The following GLIS3 variants were observed in gnomAD, a reference collection of about 807,000 sequenced individuals.
GLIS3 encodes the protein zinc finger protein GLIS3.
GLIS3 carries 53 observed loss-of-function variants against 78.6 expected under a neutral mutation model. The observed-to-expected ratio is 0.67, with a 90% confidence interval of 0.54 to 0.85. The LOEUF (loss-of-function observed/expected upper bound fraction) is 0.85. Among genes scored for constraint, GLIS3 ranks in the 40% least tolerant of loss-of-function variants. The probability of loss-of-function intolerance (pLI) is 0.00; values close to 1 mark genes in which losing one functional copy is unlikely to be tolerated. For synonymous variants in GLIS3, 684 were observed against 509.9 expected, an observed-to-expected ratio of 1.34 and a Z score of -4.60; for missense variants, 1,703 against 1,231.1, an observed-to-expected ratio of 1.38 and a Z score of -5.74.
intron 4 of GLIS3, among the ~76,000 whole-genome samples, chr9:4,306,453 T>C (rs1185041045): frequency 1.3e-5 from 2 of 152,234 alleles, no homozygotes; most frequent in Non-Finnish European, 2.9e-5. Context: ...GAGTAGTTTA[T>C]CCATTTGGTT....
chr9:4,435,449 T>C, the GLIS3 span, among the ~76,000 whole-genome samples: 1 of 152,202 alleles, frequency 6.6e-6, no homozygotes, highest in South Asian at 2.1e-4. Context: ...TTCCTCAGCC[T>C]GCCAGACCAA....
chr9:4,000,613 C>T (rs1821063376), intron 4 of GLIS3, among the ~76,000 whole-genome samples: 1 of 152,142 alleles, frequency 6.6e-6, no homozygotes, highest in Non-Finnish European at 1.5e-5. Context: ...TTTCTTAGTC[C>T]TCTGCCTAAA....
At chr9:3,854,510 C>T (rs370494215) in intron 9 of GLIS3, among the ~76,000 whole-genome samples, 36 of 150,370 alleles carry the variant, frequency 2.4e-4, no homozygotes, top group African/African-American at 8.3e-4. Flanking sequence ...AATATCACCT[C>T]GTCTTTGCTG....
chr9:4,166,670 A>G (rs16920845), intron 2 of GLIS3, among the ~76,000 whole-genome samples: 13,019 of 152,196 alleles, frequency 0.086, 859 homozygotes, highest in African/African-American at 0.17. Context: ...ACTATTTATG[A>G]TTTTCGGTGT....
chr9:3,854,883 A>ATAGTACTG (rs1819666225), intron 9 of GLIS3, among the ~76,000 whole-genome samples: 2 of 152,212 alleles, frequency 1.3e-5, no homozygotes, highest in Non-Finnish European at 2.9e-5. Context: ...CCATAGTACT[A>ATAGTACTG]GTTGATTCTG....
At chr9:4,229,068 G>A (rs1046096429) in intron 2 of GLIS3, among the ~76,000 whole-genome samples, 1 of 152,154 alleles carries the variant, frequency 6.6e-6, no homozygotes, top group Non-Finnish European at 1.5e-5. Context: ...AAAATTAGTT[G>A]TTAGGTGTAA....
At chr9:3,876,576 C>T (rs891479427) in intron 8 of GLIS3, among the ~76,000 whole-genome samples, 2 of 139,154 alleles carry the variant, frequency 1.4e-5, no homozygotes, top group East Asian at 4.2e-4. Flanking sequence ...GTGATATCTG[C>T]AACCATCTGT....
At chr9:4,147,076 T>C (rs956926768) in intron 2 of GLIS3, among the ~76,000 whole-genome samples, 2 of 152,204 alleles carry the variant, frequency 1.3e-5, no homozygotes, top group South Asian at 2.1e-4. Flanking sequence ...TTAAGCCCAC[T>C]GCAATTAATC....
At chr9:4,215,934 A>T (rs978426606) in intron 2 of GLIS3, among the ~76,000 whole-genome samples, 3 of 152,160 alleles carry the variant, frequency 2.0e-5, no homozygotes, top group East Asian at 3.8e-4. Context: ...AAAACTAAAA[A>T]AGCTGATTCT....
chr9:4,317,644 T>C (rs1270858595), intron 2 of GLIS3, among the ~76,000 whole-genome samples: 1 of 152,262 alleles, frequency 6.6e-6, no homozygotes, highest in Non-Finnish European at 1.5e-5. Flanking sequence ...ATTCTAAATG[T>C]ATCTTTTTTA....
intron 6 of GLIS3, among the ~76,000 whole-genome samples, chr9:3,927,639 G>A (rs1347118481): frequency 6.6e-6 from 1 of 152,156 alleles, no homozygotes; most frequent in East Asian, 1.9e-4. Context: ...CAGCTTTTCT[G>A]ATCACTCAAG....
intron 4 of GLIS3, among the ~76,000 whole-genome samples, chr9:4,105,819 G>A (rs1830707287): frequency 6.6e-6 from 1 of 152,106 alleles, no homozygotes; most frequent in African/African-American, 2.4e-5. Flanking sequence ...CACAAAACCA[G>A]AGTCACAATC....
chr9:3,880,271 G>C (rs1821639348), intron 7 of GLIS3, among the ~76,000 whole-genome samples: 2 of 152,210 alleles, frequency 1.3e-5, no homozygotes, highest in African/African-American at 4.8e-5. Context: ...GACACAGAGA[G>C]TGAGTTACAG....
At chr9:4,402,909 T>C in the GLIS3 span, among the ~76,000 whole-genome samples, 1 of 152,080 alleles carries the variant, frequency 6.6e-6, no homozygotes, top group African/African-American at 2.4e-5. Flanking sequence ...TTCAAAGGGA[T>C]AATAACAGAG....
At position 4,017,077 on chromosome 9, in the gene GLIS3, C is replaced by A. The variant is rs552908947; in HGVS notation, c.1711-79888G>T. Among the ~76,000 whole-genome samples the A allele has an allele frequency of 8.5e-5, 13 of 152,316 alleles. 1 individual carries two copies. In the South Asian group the frequency reaches 1.7e-3, roughly 19 times the overall value. ...TGAGAAGGGCAGTTTGGCCTTTATT[C>A]TCTGCAAACCTTTCTCTTTCAGAAA... On this transcript the variant is annotated intron_variant, in intron 4 of 10. Transcript: ENST00000381971.
intron 6 of GLIS3, among the ~76,000 whole-genome samples, chr9:3,931,822 C>T (rs953440572): frequency 6.6e-6 from 1 of 152,160 alleles, no homozygotes; most frequent in Non-Finnish European, 1.5e-5. Context: ...AAGTTCAATT[C>T]CTTTTTCAGA....
chr9:4,158,788 G>C (rs1044715691), intron 2 of GLIS3, among the ~76,000 whole-genome samples: 1 of 152,158 alleles, frequency 6.6e-6, no homozygotes, highest in Non-Finnish European at 1.5e-5. Flanking sequence ...GAATGAATAA[G>C]TGAACACGAT....
intron 2 of GLIS3, among the ~76,000 whole-genome samples, chr9:4,232,014 AT>A (rs1822295209): frequency 6.6e-6 from 1 of 152,184 alleles, no homozygotes; most frequent in Non-Finnish European, 1.5e-5. Flanking sequence ...TTCACTCAAC[AT>A]TTAGCTTTGT....
chr9:4,076,124 T>G (rs1161304259), intron 4 of GLIS3, among the ~76,000 whole-genome samples: 1 of 152,224 alleles, frequency 6.6e-6, no homozygotes, highest in Non-Finnish European at 1.5e-5. Flanking sequence ...ACACTCTATT[T>G]AATGTAAATT....
Sources: gnomAD v4.1 joint callset for allele counts (sites outside exome capture counted in the v4.1 genomes callset) on GRCh38, gnomAD v4.1.1 for gene constraint, MANE v1.5 for transcripts, NCBI Gene and HGNC (gene_info 2026-07-23, HGNC 2026-07-21) for gene names.